The following ISLR2 variants were observed in gnomAD, a reference collection of about 807,000 sequenced individuals.
ISLR2 encodes immunoglobulin superfamily containing leucine-rich repeat protein 2.
ISLR2 carries 16 observed loss-of-function variants against 25.5 expected under a neutral mutation model. That is an observed-to-expected ratio of 0.63 (90% CI 0.43 to 0.95). The LOEUF is 0.95. Among genes scored for constraint, ISLR2 ranks in the 40% least tolerant of loss-of-function variants. The probability of loss-of-function intolerance (pLI) is 0.00; values close to 1 mark genes in which losing one functional copy is unlikely to be tolerated. For synonymous variants in ISLR2, 508 were observed against 486.6 expected (o/e 1.04, Z -0.58); for missense variants, 883 against 1,030.7 (o/e 0.86, Z 1.96).
chr15:74,104,700 G>A (rs1443476438), intron 2 of ISLR2, among the ~76,000 whole-genome samples: 1 of 152,056 alleles, frequency 6.6e-6, no homozygotes, highest in Non-Finnish European at 1.5e-5. Flanking sequence ...CTTGAGCCCA[G>A]GAGTTGGAGG....
At chr15:74,137,040 G>C (rs1374822500), downstream of ISLR2, among the ~76,000 whole-genome samples, 1 of 152,204 alleles carries the variant, frequency 6.6e-6, no homozygotes, top group Admixed American at 6.5e-5. Context: ...GTGAGTAGGG[G>C]GAGGTTGCAG....
rs2141966034 is a variant in ISLR2 at position 74,135,971 on chromosome 15, C to T, written c.*979C>T. Reference sequence around the variant, plus strand: ...CGGTGCCTGGGGCGCCTTTCAGCTCCGCGCTCAGATTTTCCTGTTTTCGTT... The same window carrying T: ...CGGTGCCTGGGGCGCCTTTCAGCTCTGCGCTCAGATTTTCCTGTTTTCGTT... On this transcript the variant is annotated 3_prime_UTR_variant, in exon 3 of 3. Coordinates refer to ENST00000453268, the MANE Select transcript of ISLR2 (RefSeq NM_020851.3). 1 of 167,194 alleles carries T rather than the reference C, an allele frequency of 6.0e-6. No individual in the cohort carries two copies. Among genetic ancestry groups the T allele is most frequent in the Non-Finnish European group, 1.5e-5 (1 of 68,140 alleles). The allele number at this position is 167,194 out of a possible 1,614,324, so 10.4% of individuals were successfully genotyped here.
At position 74,134,367 on chromosome 15, in the gene ISLR2, G is replaced by A. The variant is rs752937699; in HGVS notation, c.1613G>A (p.Gly538Asp). The A allele has an allele frequency of 1.2e-6, 2 of 1,602,108 alleles. No homozygotes were observed. Among genetic ancestry groups the A allele is most frequent in the East Asian group, 4.5e-5 (2 of 44,510 alleles). Reference protein sequence around the residue: ...RLLYLCPAGGGAAVQWSRVEE... With the variant: ...RLLYLCPAGGDAAVQWSRVEE... ...CTCTATCTGTGTCCAGCGGGGGGCG[G>A]CGCGGCAGTGCAGTGGTCCCGCGTA... Residue 538 changes from glycine (G) to aspartate (D), a missense_variant, in exon 3 of 3, where the codon GGC (glycine) becomes GAC (aspartate). This residue lies in a region of ISLR2 where 612 missense variants were observed against 642.8 expected (regional missense o/e 0.95). Transcript: ENST00000453268.
chr15:74,111,591 T>TATTCATTCATTCATTCATTC (rs71137377), intron 2 of ISLR2, among the ~76,000 whole-genome samples: 1 of 150,826 alleles, frequency 6.6e-6, no homozygotes, highest in Admixed American at 6.6e-5. Flanking sequence ...GCCAGGCCTC[T>TATTCATTCATTCATTCATTC]ATTCATTCAT....
Position 74,134,186 on chromosome 15 carries a change from G to A in ISLR2, c.1432G>A (p.Glu478Lys). The change falls in exon 3 of 3, where the codon GAG (glutamate) becomes AAG (lysine). Residue 478 changes from glutamate to lysine, a missense_variant. Physicochemically the swap from Glu to Lys is moderately conservative, Grantham distance 56. Around this residue, in one of 2 missense-constraint regions of ISLR2, gnomAD observed 612 missense variants for 642.8 expected, o/e 0.95. Transcript: ENST00000453268. ...VSNHAFNQSA[E>K]LKPHVFELGV... Reference sequence around the variant, plus strand: ...TAACCACGCGTTCAACCAGAGCGCAGAGCTCAAGCCGCACGTCTTCGAGCT... The same window carrying A: ...TAACCACGCGTTCAACCAGAGCGCAAAGCTCAAGCCGCACGTCTTCGAGCT... 1 of 1,611,864 alleles carries A rather than the reference G, an allele frequency of 6.2e-7. No individual in the cohort carries two copies. The highest frequency in any genetic ancestry group is 8.5e-7 in the Non-Finnish European group (1 of 1,179,202).
Position 74,133,164 on chromosome 15 carries a change from C to T in ISLR2, c.410C>T (p.Ser137Phe), listed in dbSNP as rs3889598. Residue 137 changes from serine to phenylalanine, a missense_variant, in exon 3 of 3, where the codon TCT (serine) becomes TTT (phenylalanine). Physicochemically the swap from Ser to Phe is radical, Grantham distance 155. Transcript: ENST00000453268. ...AAAATGAACCACAACCGCCTGGGCT[C>T]TCTGCCCCGGGACGCACTCGGTGCG... The part of the protein sequence containing the change: ...LLKMNHNRLG[S>F]LPRDALGALP... 0.02 allele frequency: 31,497 copies of T among 1,613,206 alleles called. 529 individuals are homozygous for T. Among genetic ancestry groups the T allele is most frequent in the Middle Eastern group, 0.068 (413 of 6,060 alleles).
At chr15:74,140,931 T>C (rs1369435806), downstream of ISLR2, among the ~76,000 whole-genome samples, 1 of 152,224 alleles carries the variant, frequency 6.6e-6, no homozygotes, top group East Asian at 1.9e-4. Context: ...TTTTAAAATG[T>C]TTTGCAATAT....
intron 2 of ISLR2, among the ~76,000 whole-genome samples, chr15:74,117,097 C>T (rs1439860853): frequency 6.6e-6 from 1 of 152,160 alleles, no homozygotes; most frequent in Non-Finnish European, 1.5e-5. Context: ...CTTATGGTGG[C>T]ACGGTCAGCT....
downstream of ISLR2, among the ~76,000 whole-genome samples, chr15:74,140,619 A>C (rs1338801916): frequency 6.6e-6 from 1 of 152,244 alleles, no homozygotes; most frequent in African/African-American, 2.4e-5. Flanking sequence ...GCCAAGCCCT[A>C]GTACCAGGAC....
chr15:74,108,394 C>T (rs1323137964), intron 2 of ISLR2, among the ~76,000 whole-genome samples: 1 of 152,180 alleles, frequency 6.6e-6, no homozygotes, highest in East Asian at 1.9e-4. Context: ...TCACGCCGCA[C>T]AGCAGCTGGG....
chr15:74,115,237 G>A (rs930599012), intron 2 of ISLR2, among the ~76,000 whole-genome samples: 1 of 152,208 alleles, frequency 6.6e-6, no homozygotes, highest in Non-Finnish European at 1.5e-5. Flanking sequence ...TGGAGTAAAG[G>A]CTTCTCTGAA....
upstream of ISLR2, chr15:74,130,036 A>C (rs1053886522): frequency 6.6e-6 from 1 of 152,128 alleles, no homozygotes; most frequent in African/African-American, 2.4e-5. Flanking sequence ...CGCGCAGGCC[A>C]ACGCGTCGGG....
intron 2 of ISLR2, among the ~76,000 whole-genome samples, chr15:74,108,141 G>C (rs1202488631): frequency 6.6e-6 from 1 of 152,154 alleles, no homozygotes; most frequent in Non-Finnish European, 1.5e-5. Flanking sequence ...CATAAGGGAG[G>C]GTTCTGACCA....
chr15:74,128,179 C>T (rs551141366), upstream of ISLR2: 1 of 315,814 alleles, frequency 3.2e-6, no homozygotes, highest in African/African-American at 2.3e-5. Flanking sequence ...GCGCAGTCTT[C>T]TAGCTGAGCT....
At chr15:74,138,363 A>C (rs1231806148), downstream of ISLR2, 7 of 131,126 alleles carry the variant, frequency 5.3e-5, no homozygotes, top group Non-Finnish European at 1.5e-5. Context: ...AGTGGTGAGG[A>C]GCCGAAGCCA....
downstream of ISLR2, among the ~76,000 whole-genome samples, chr15:74,139,100 C>T (rs1183486286): frequency 2.6e-5 from 4 of 152,212 alleles, no homozygotes; most frequent in Non-Finnish European, 5.9e-5. Flanking sequence ...GAAAGCTCTG[C>T]CCCTCTTTGT....
At chr15:74,107,314 A>G (rs2072128656) in intron 2 of ISLR2, among the ~76,000 whole-genome samples, 1 of 152,154 alleles carries the variant, frequency 6.6e-6, no homozygotes, top group African/African-American at 2.4e-5. Context: ...GCAGCATAAG[A>G]CTGCCCCATT....
rs1318170909 is a variant in ISLR2 at position 74,133,127 on chromosome 15, C to G, written c.373C>G (p.Leu125Val). ...GAGCGACCTGCGCAACCTGAGCGCG[C>G]TGCAGCTGCTCAAAATGAACCACAA... ...PWSDLRNLSALQLLKMNHNRL... is the reference protein window; with the variant it reads ...PWSDLRNLSAVQLLKMNHNRL... Residue 125 changes from leucine (L) to valine (V), a missense_variant, in exon 3 of 3, where the codon CTG (leucine) becomes GTG (valine). Physicochemically the swap from Leu to Val is conservative, Grantham distance 32. This residue lies in a region of ISLR2 where 271 missense variants were observed against 387.9 expected (regional missense o/e 0.70). Coordinates refer to ENST00000453268, the MANE Select transcript of ISLR2 (RefSeq NM_020851.3). 1.2e-6 allele frequency: 2 copies of G among 1,612,712 alleles called. No homozygotes were observed. The highest frequency in any genetic ancestry group is 2.7e-5 in the African/African-American group (2 of 74,958).
chr15:74,138,529 A>G (rs1680402469), downstream of ISLR2: 1 of 152,634 alleles, frequency 6.6e-6, no homozygotes, highest in African/African-American at 2.4e-5. Context: ...CCTTTAGGCA[A>G]TGGGCTAATT....
Sources: gnomAD v4.1 joint callset for allele counts (sites outside exome capture counted in the v4.1 genomes callset) on GRCh38, gnomAD v4.1.1 for gene constraint, gnomAD v4.1.1 regional missense constraint, MANE v1.5 for transcripts, NCBI Gene and HGNC (gene_info 2026-07-23, HGNC 2026-07-21) for gene names.